The following NTMT1 variants were observed in gnomAD, a reference collection of about 807,000 sequenced individuals.
NTMT1 encodes N-terminal RCC1 methyltransferase.
NTMT1 carries 8 observed loss-of-function variants against 17.5 expected under a neutral mutation model. The ratio of observed to expected loss-of-function variants is 0.46; its 90% CI spans 0.27 to 0.82. NTMT1 has a LOEUF of 0.82. Among genes scored for constraint, NTMT1 ranks in the 40% least tolerant of loss-of-function variants. The pLI, the probability that NTMT1 is intolerant of heterozygous loss-of-function variation, is 0.15. For missense variants in NTMT1, 221 were observed against 303.5 expected (o/e 0.73, Z 2.02); for synonymous variants, 128 against 126.8 (o/e 1.01, Z -0.06).
chr9:129,620,367 C>G lies in NTMT1; in HGVS notation c.-55+11189C>G, dbSNP rs1403132731. The G allele has an allele frequency of 8.1e-7, 1 of 1,227,904 alleles. No individual in the cohort carries two copies. The highest frequency in any genetic ancestry group is 1.0e-6 in the Non-Finnish European group (1 of 985,950). 76.1% of individuals were successfully genotyped at this position (1,227,904 alleles called of 1,614,324 possible). On this transcript the variant is annotated intron_variant, in intron 1 of 3. Coordinates refer to the NTMT1 transcript ENST00000372486. This position sits in a 1 kb window ranked among gnomAD's most constrained non-coding sequence, Gnocchi z 5.8. ...GGCGGGAGGCGTCCGACGCCCACCC[C>G]GGGCTTGGCGTCCCCTTCCGGCCAC...
chr9:129,620,167 G>T lies in NTMT1; in HGVS notation c.-55+10989G>T. 6.8e-7 allele frequency: 1 copy of T among 1,462,416 alleles called. No individual in the cohort carries two copies. The highest frequency in any genetic ancestry group is 1.4e-5 in the South Asian group (1 of 71,248). The allele number at this position is 1,462,416 out of a possible 1,614,324, so 90.6% of individuals were successfully genotyped here. A position where few individuals can be genotyped will look rare whatever the true frequency, so the allele number is the denominator to read the frequency against. On this transcript the variant is annotated intron_variant, in intron 1 of 3. Transcript: ENST00000372486. This position sits in a 1 kb window ranked among gnomAD's most constrained non-coding sequence, Gnocchi z 5.8. ...CTCCTAGGAAGGCGCCCAAGAAGTC[G>T]GGGTCCTCCCTGGCCACGCGCCTCC...
chr9:129,620,166 CG>C lies in NTMT1; in HGVS notation c.-55+10992del. 6.8e-7 allele frequency: 1 copy of C among 1,461,076 alleles called. No individual in the cohort carries two copies. The highest frequency in any genetic ancestry group is 1.4e-5 in the South Asian group (1 of 71,032). The allele number at this position is 1,461,076 out of a possible 1,614,324, so 90.5% of individuals were successfully genotyped here. Reference sequence around the variant, plus strand: ...TCTCCTAGGAAGGCGCCCAAGAAGTCGGGGTCCTCCCTGGCCACGCGCCTCC... The same window carrying C: ...TCTCCTAGGAAGGCGCCCAAGAAGTCGGGTCCTCCCTGGCCACGCGCCTCC... On this transcript the variant is annotated intron_variant, in intron 1 of 3. Coordinates refer to the NTMT1 transcript ENST00000372486. This position sits in a 1 kb window ranked among gnomAD's most constrained non-coding sequence, Gnocchi z 5.8.
chr9:129,635,806 A>T lies in NTMT1; in HGVS notation c.*342A>T, dbSNP rs1226284813. On this transcript the variant is annotated 3_prime_UTR_variant, in exon 4 of 4. Transcript: ENST00000372483. ...GGGCCTCCAGCCCGGCCTTCCAGCC[A>T]TGGGCCTGGCTGCCTGAAGAGGAAG... 1 of 252,880 alleles carries T rather than the reference A, an allele frequency of 4.0e-6. No individual in the cohort carries two copies. Among genetic ancestry groups the T allele is most frequent in the South Asian group, 5.9e-5 (1 of 16,832 alleles). 15.7% of individuals were successfully genotyped at this position (252,880 alleles called of 1,614,324 possible).
chr9:129,624,779 C>A (rs1480503552), upstream of NTMT1, among the ~76,000 whole-genome samples: 1 of 152,196 alleles, frequency 6.6e-6, no homozygotes, highest in Non-Finnish European at 1.5e-5. Context: ...CAGGCATGCA[C>A]CACCATCCCT....
At chr9:129,609,607 C>T (rs1322666409) in intron 1 of NTMT1, among the ~76,000 whole-genome samples, 1 of 121,684 alleles carries the variant, frequency 8.2e-6, no homozygotes, top group Non-Finnish European at 1.6e-5. Context: ...CGGAAAAGGG[C>T]CCTGTTGGGG....
At chr9:129,615,507 C>CGGA in intron 1 of NTMT1, 2 of 1,605,202 alleles carry the variant, frequency 1.2e-6, no homozygotes, top group Non-Finnish European at 1.7e-6. Context: ...CTCCCAGTAG[C>CGGA]GGAGCGTTGT....
rs868599967 is a variant in NTMT1 at position 129,629,663 on chromosome 9, T to C, written c.-54-2987T>C. Among the ~76,000 whole-genome samples the C allele has an allele frequency of 3.2e-4, 48 of 152,256 alleles. 1 individual carries two copies. The highest frequency in any genetic ancestry group is 1.1e-3 in the African/African-American group (45 of 41,536). ...CTTGCGGGGAGGGTGTTATGTGCAATATTTAGAACTAAGGTCCTCCCCAGC... is the reference window on the plus strand; with the variant it reads ...CTTGCGGGGAGGGTGTTATGTGCAACATTTAGAACTAAGGTCCTCCCCAGC... On this transcript the variant is annotated intron_variant, in intron 1 of 3. Coordinates refer to ENST00000372483, the MANE Select transcript of NTMT1 (RefSeq NM_014064.4).
rs1344207046 is a variant in NTMT1 at position 129,619,625 on chromosome 9, G to A, written c.-55+10447G>A. The A allele has an allele frequency of 1.9e-6, 3 of 1,613,996 alleles. No individual in the cohort carries two copies. In the Admixed American group the frequency reaches 5.0e-5, roughly 27 times the overall value. On this transcript the variant is annotated intron_variant, in intron 1 of 3. Transcript: ENST00000372486. ...CTTCGTAAGACTATCCTGGAGGTGC[G>A]ATGACTGGCCCCTTAAAGACAAACA...
rs1267624349 is a variant in NTMT1, at chr9:129,635,360, G to T, written c.568G>T (p.Val190Phe). 5.0e-6 allele frequency: 8 copies of T among 1,613,804 alleles called. No homozygotes were observed. Among genetic ancestry groups the T allele is most frequent in the Non-Finnish European group, 6.8e-6 (8 of 1,180,028 alleles). The stretch of plus-strand genomic sequence containing the variant: ...CAGCGTGTGCCGGGACCTTGACGTG[G>T]TCCGCAGGATCATCTGCAGTGCAGG... Reference protein sequence around the residue: ...DSSVCRDLDVVRRIICSAGLS... With the variant: ...DSSVCRDLDVFRRIICSAGLS... Residue 190 changes from valine to phenylalanine, a missense_variant, in exon 4 of 4, where the codon GTC (valine) becomes TTC (phenylalanine). Transcript: ENST00000372483.
Position 129,614,115 on chromosome 9 carries a change from G to A in NTMT1, c.-55+4937G>A, listed in dbSNP as rs1278139966. Reference sequence around the variant, plus strand: ...GCTCCTTATGGCCAGTGGCTGACACGGAATCATCTCCTGTATGCACCAACT... The same window carrying A: ...GCTCCTTATGGCCAGTGGCTGACACAGAATCATCTCCTGTATGCACCAACT... On this transcript the variant is annotated intron_variant, in intron 1 of 3. Coordinates refer to the NTMT1 transcript ENST00000372486. The surrounding 1 kb of genome is among the most constrained non-coding windows in gnomAD (Gnocchi z 4.4). Among the ~76,000 whole-genome samples, 7 of 152,302 alleles carry A rather than the reference G, an allele frequency of 4.6e-5. No homozygotes were observed. Among genetic ancestry groups the A allele is most frequent in the Middle Eastern group, 3.4e-3 (1 of 294 alleles).
chr9:129,612,338 C>A, intron 1 of NTMT1: 1 of 1,610,516 alleles, frequency 6.2e-7, no homozygotes, highest in South Asian at 1.1e-5. Flanking sequence ...GCCTTGGGTT[C>A]GCGAGTGTTC....
At position 129,620,776 on chromosome 9, in the gene NTMT1, T is replaced by C. The variant is rs747945960; in HGVS notation, c.-55+11598T>C. On this transcript the variant is annotated intron_variant, in intron 1 of 3. Coordinates refer to the NTMT1 transcript ENST00000372486. The surrounding 1 kb of genome is among the most constrained non-coding windows in gnomAD (Gnocchi z 5.8). Reference sequence around the variant, plus strand: ...AGCCTCTGTTTCCTCACCTGAAAAATGGTGACAGCAAGAGTAGCCAACTTT... The same window carrying C: ...AGCCTCTGTTTCCTCACCTGAAAAACGGTGACAGCAAGAGTAGCCAACTTT... 3.0e-5 allele frequency: 13 copies of C among 436,670 alleles called. No individual in the cohort carries two copies. The highest frequency in any genetic ancestry group is 4.9e-5 in the Non-Finnish European group (13 of 262,962). The allele number at this position is 436,670 out of a possible 1,614,324, so 27.0% of individuals were successfully genotyped here.
At chr9:129,627,871 A>C (rs954404668) in intron 1 of NTMT1, among the ~76,000 whole-genome samples, 1 of 152,200 alleles carries the variant, frequency 6.6e-6, no homozygotes, top group Non-Finnish European at 1.5e-5. Flanking sequence ...GGAGGATGAG[A>C]TGACTGCAAA....
At chr9:129,634,957 A>AT in intron 3 of NTMT1, 1 of 517,078 alleles carries the variant, frequency 1.9e-6, no homozygotes, top group Non-Finnish European at 3.5e-6. Context: ...ATCAGGCAGG[A>AT]CTTGTAAGCC....
At chr9:129,630,794 G>A (rs540040478) in intron 1 of NTMT1, among the ~76,000 whole-genome samples, 3 of 152,376 alleles carry the variant, frequency 2.0e-5, no homozygotes, top group South Asian at 2.1e-4. Flanking sequence ...TCAGCTGCGC[G>A]TTTTCCACCG....
chr9:129,615,389 C>T (rs1396499969), intron 1 of NTMT1: 3 of 1,324,458 alleles, frequency 2.3e-6, no homozygotes, highest in Admixed American at 2.7e-5. Context: ...CTTTGCAAAG[C>T]CAGTCCCTCA....
intron 1 of NTMT1, among the ~76,000 whole-genome samples, chr9:129,610,212 A>AG (rs1164299362): frequency 2.4e-5 from 1 of 42,186 alleles, no homozygotes; most frequent in Non-Finnish European, 4.2e-5. Flanking sequence ...GGGAGGAGGG[A>AG]GGGGGAGGGG....
rs1831373956 is a variant in NTMT1, at chr9:129,634,237, T to G, written c.346T>G (p.Cys116Gly). The change falls in exon 3 of 4, where the codon TGT becomes GGT. Residue 116 changes from cysteine to glycine, a missense_variant. Transcript: ENST00000372483. Reference sequence around the variant, plus strand: ...GGGCAAGAGGGTGAGGAACTACTTCTGTTGTGGGCTCCAGGACTTCACCCC... The same window carrying G: ...GGGCAAGAGGGTGAGGAACTACTTCGGTTGTGGGCTCCAGGACTTCACCCC... ...EEGKRVRNYF[C>G]CGLQDFTPEP... The G allele has an allele frequency of 3.1e-6, 5 of 1,614,010 alleles. No homozygotes were observed. The highest frequency in any genetic ancestry group is 4.2e-6 in the Non-Finnish European group (5 of 1,179,994).
chr9:129,626,531 T>TCA (rs1830905955), intron 1 of NTMT1: 1 of 152,406 alleles, frequency 6.6e-6, no homozygotes, highest in Admixed American at 6.5e-5. Context: ...GTCAAGGCAC[T>TCA]CAAAGCCCAG....
Sources: gnomAD v4.1 joint callset for allele counts (sites outside exome capture counted in the v4.1 genomes callset) on GRCh38, gnomAD v4.1.1 for gene constraint, Gnocchi (gnomAD v3.1) non-coding constraint, MANE v1.5 for transcripts, NCBI Gene and HGNC (gene_info 2026-07-23, HGNC 2026-07-21) for gene names.